The following NADK2 variants were observed in gnomAD, a reference collection of about 807,000 sequenced individuals.
NADK2 encodes the protein NAD kinase domain-containing protein 1, mitochondrial.
A neutral mutation model predicts 62.1 loss-of-function variants in NADK2; 35 were observed. The ratio of observed to expected loss-of-function variants is 0.56; its 90% CI spans 0.43 to 0.75. The LOEUF is 0.75. Among genes scored for constraint, NADK2 ranks in the 30% least tolerant of loss-of-function variants. NADK2 has a pLI of 0.00. For missense variants in NADK2, 439 were observed against 561.3 expected (o/e 0.78, Z 2.20); for synonymous variants, 205 against 207.9 (o/e 0.99, Z 0.12).
chr5:36,195,092 C>T lies in NADK2; in HGVS notation c.*52G>A. 1.3e-6 allele frequency: 2 copies of T among 1,560,896 alleles called. No individual in the cohort carries two copies. The highest frequency in any genetic ancestry group is 1.7e-6 in the Non-Finnish European group (2 of 1,156,080). The stretch of plus-strand genomic sequence containing the variant: ...TCACTTTACGACTGGTAGTCTGTTT[C>T]TGAAGTAAAAATATTCTCGCCAGTA... On this transcript the variant is annotated 3_prime_UTR_variant, in exon 12 of 12. Transcript: ENST00000381937.
At chr5:36,223,839 G>A (rs1747371043) in intron 4 of NADK2, among the ~76,000 whole-genome samples, 1 of 152,072 alleles carries the variant, frequency 6.6e-6, no homozygotes, top group African/African-American at 2.4e-5. Flanking sequence ...GTGACACAGG[G>A]TAAAGGATTT....
intron 6 of NADK2, among the ~76,000 whole-genome samples, chr5:36,217,390 A>G (rs1747084077): frequency 6.6e-6 from 1 of 152,096 alleles, no homozygotes. Context: ...ACTATATAAC[A>G]TGTATAACCA....
chr5:36,214,791 T>C (rs560616281), intron 6 of NADK2, among the ~76,000 whole-genome samples: 18 of 152,342 alleles, frequency 1.2e-4, no homozygotes, highest in Middle Eastern at 3.4e-3. Flanking sequence ...TAAAATACGG[T>C]AGCAGCCACT....
In NADK2 at chr5:36,198,624, C is replaced by T. The variant is rs1002294234; in HGVS notation, c.1067-960G>A. Among the ~76,000 whole-genome samples the T allele has an allele frequency of 7.0e-4, 103 of 147,686 alleles. 1 individual carries two copies. The highest frequency in any genetic ancestry group is 7.1e-3 in the Middle Eastern group (2 of 280). On this transcript the variant is annotated intron_variant, in intron 10 of 11. Coordinates refer to ENST00000381937, the MANE Select transcript of NADK2 (RefSeq NM_001085411.3). ...TATAATATAAATTAATATATATATACATCCTTAATTTATATATATACCTGA... is the reference window on the plus strand; with the variant it reads ...TATAATATAAATTAATATATATATATATCCTTAATTTATATATATACCTGA...
At chr5:36,222,524 G>A (rs1747312112) in intron 4 of NADK2, among the ~76,000 whole-genome samples, 1 of 152,198 alleles carries the variant, frequency 6.6e-6, no homozygotes, top group African/African-American at 2.4e-5. Context: ...ATGAGGACAG[G>A]TGAAACTAGA....
chr5:36,226,258 T>C (rs34548606), intron 3 of NADK2, among the ~76,000 whole-genome samples: 3,310 of 152,290 alleles, frequency 0.022, 92 homozygotes, highest in Non-Finnish European at 0.028. Flanking sequence ...GTTAAATGCA[T>C]ACCTTAAATA....
At chr5:36,213,876 G>T (rs953853912) in intron 6 of NADK2, among the ~76,000 whole-genome samples, 6 of 151,842 alleles carry the variant, frequency 4.0e-5, no homozygotes, top group African/African-American at 1.4e-4. Flanking sequence ...GTAAATTTGA[G>T]CTCTCACCAT....
chr5:36,233,860 T>C (rs561590817), intron 1 of NADK2, among the ~76,000 whole-genome samples: 1 of 152,310 alleles, frequency 6.6e-6, no homozygotes, highest in East Asian at 1.9e-4. Context: ...ATAAAAATTC[T>C]TCTGTATTTT....
chr5:36,208,628 C>G, intron 7 of NADK2: 1 of 1,528,880 alleles, frequency 6.5e-7, no homozygotes, highest in Non-Finnish European at 8.8e-7. Flanking sequence ...AACTCACAGT[C>G]CCTTTAGAGT....
intron 3 of NADK2, 36 bp downstream of exon 3, chr5:36,226,439 T>C (rs759457380): frequency 2.0e-6 from 3 of 1,509,154 alleles, no homozygotes; most frequent in South Asian, 2.3e-5. Flanking sequence ...TAAACATTTG[T>C]ATATGCCAAC....
intron 9 of NADK2, among the ~76,000 whole-genome samples, chr5:36,200,677 C>A (rs1215706134): frequency 6.6e-6 from 1 of 151,962 alleles, no homozygotes; most frequent in Non-Finnish European, 1.5e-5. Context: ...ATGAGTCATC[C>A]TTTTGTCCAG....
At chr5:36,208,052 A>AT (rs1746704661) in intron 7 of NADK2, among the ~76,000 whole-genome samples, 1 of 152,038 alleles carries the variant, frequency 6.6e-6, no homozygotes, top group African/African-American at 2.4e-5. Context: ...TCAACACTGA[A>AT]TTTTTTTCTC....
chr5:36,204,501 A>G (rs931429443), intron 8 of NADK2, among the ~76,000 whole-genome samples: 3 of 152,150 alleles, frequency 2.0e-5, no homozygotes, highest in Admixed American at 2.0e-4. Context: ...CAAGTAGCAT[A>G]GCATGTTCAA....
chr5:36,208,789 C>T (rs1442634079), intron 7 of NADK2: 2 of 765,954 alleles, frequency 2.6e-6, no homozygotes, highest in South Asian at 1.8e-5. Context: ...AATATTGCTG[C>T]ACTTCATATT....
rs187152889 is a variant in NADK2 at position 36,233,490 on chromosome 5, C to T, written c.301-5925G>A. ...TACCACCTTTATAAGGTCCACTCTACCTGTTTGGCCTCAATATACTATGAT... is the reference window on the plus strand; with the variant it reads ...TACCACCTTTATAAGGTCCACTCTATCTGTTTGGCCTCAATATACTATGAT... On this transcript the variant is annotated intron_variant, in intron 1 of 11. Coordinates refer to ENST00000381937, the MANE Select transcript of NADK2 (RefSeq NM_001085411.3). 2.7e-3 allele frequency among the ~76,000 whole-genome samples: 412 copies of T among 152,274 alleles called. 2 individuals carry two copies. The highest frequency in any genetic ancestry group is 9.6e-3 in the African/African-American group (398 of 41,556).
intron 4 of NADK2, among the ~76,000 whole-genome samples, chr5:36,225,242 C>G (rs1487725406): frequency 6.6e-6 from 1 of 152,154 alleles, no homozygotes; most frequent in African/African-American, 2.4e-5. Flanking sequence ...GACAATCCTA[C>G]TCAGTTCTAC....
intron 6 of NADK2, among the ~76,000 whole-genome samples, chr5:36,217,501 T>C (rs1191061380): frequency 6.6e-6 from 1 of 152,142 alleles, no homozygotes; most frequent in Non-Finnish European, 1.5e-5. Context: ...TCAACTATCT[T>C]ATCAGATACT....
At chr5:36,213,617 G>GAATATATATATATATATATATATATA (rs1561063582) in intron 6 of NADK2, among the ~76,000 whole-genome samples, 1 of 11,392 alleles carries the variant, frequency 8.8e-5, no homozygotes, top group Non-Finnish European at 1.0e-3. Flanking sequence ...ATATATGCAT[G>GAATATATATATATATATATATATATA]CATATATATA....
chr5:36,198,947 C>T (rs1460678007), intron 10 of NADK2, among the ~76,000 whole-genome samples: 1 of 151,490 alleles, frequency 6.6e-6, no homozygotes, highest in Non-Finnish European at 1.5e-5. Flanking sequence ...TAAACTGACA[C>T]TGTTCAAATA....
Sources: allele counts gnomAD v4.1 joint callset (sites outside exome capture counted in the v4.1 genomes callset), GRCh38; gene constraint gnomAD v4.1.1; transcripts MANE v1.5; gene names NCBI Gene and HGNC (gene_info 2026-07-23, HGNC 2026-07-21).